TMEM87A: variants seen among roughly 807,000 people sequenced by gnomAD.
TMEM87A encodes the protein Golgi-pH regulating cation channel.
A neutral mutation model predicts 90.0 loss-of-function variants in TMEM87A; 50 were observed. That is an observed-to-expected ratio of 0.56 (90% CI 0.44 to 0.70). The LOEUF (loss-of-function observed/expected upper bound fraction) is 0.70, where lower values mean the gene tolerates loss of function less well. Ranked by LOEUF, TMEM87A falls within the 30% of genes least tolerant of loss-of-function variation. TMEM87A has a pLI of 0.00. For synonymous variants in TMEM87A, 226 were observed against 226.7 expected, an observed-to-expected ratio of 1.00 and a Z score of 0.03; for missense variants, 577 against 660.5, an observed-to-expected ratio of 0.87 and a Z score of 1.39.
intron 19 of TMEM87A, 95 bp downstream of exon 19, chr15:42,217,708 T>A: frequency 8.0e-7 from 1 of 1,248,030 alleles, no homozygotes; most frequent in Admixed American, 2.0e-5. Flanking sequence ...AGGCCACTAC[T>A]GAGTCAAATA....
intron 4 of TMEM87A, among the ~76,000 whole-genome samples, chr15:42,263,603 C>G (rs941972227): frequency 2.6e-5 from 4 of 152,074 alleles, no homozygotes; most frequent in African/African-American, 9.7e-5. Context: ...AAAAAATTAG[C>G]CAGGCGTAAT....
chr15:42,262,895 A>C (rs2051324487), intron 4 of TMEM87A, among the ~76,000 whole-genome samples: 1 of 152,250 alleles, frequency 6.6e-6, no homozygotes, highest in South Asian at 2.1e-4. Flanking sequence ...CAAAAAACTG[A>C]GATTACTATT....
intron 3 of TMEM87A, among the ~76,000 whole-genome samples, chr15:42,265,944 G>A (rs547927192): frequency 7.2e-5 from 11 of 152,236 alleles, no homozygotes; most frequent in Non-Finnish European, 1.3e-4. Context: ...GCACGCTACC[G>A]CAACACTATC....
Position 42,264,083 on chromosome 15 carries a change from A to G in TMEM87A, c.405+7T>C. On this transcript the variant is annotated splice_region_variant and intron_variant, in intron 4 of 19. Transcript: ENST00000389834. ...TCTATTTATCTCCAATCACTTTCAA[A>G]GATTACCTGTGTTTTAAAGAGTTCA... 1 of 1,606,222 alleles carries G rather than the reference A, an allele frequency of 6.2e-7. No individual in the cohort carries two copies. Among genetic ancestry groups the G allele is most frequent in the South Asian group, 1.1e-5 (1 of 90,052 alleles).
At chr15:42,242,110 A>G (rs1213208949) in intron 7 of TMEM87A, among the ~76,000 whole-genome samples, 1 of 151,872 alleles carries the variant, frequency 6.6e-6, no homozygotes. Flanking sequence ...AAAACAAAAA[A>G]GGATATAAGC....
rs147068610 is a variant in TMEM87A, at chr15:42,266,254, G to A, written c.291+1693C>T. ...TTCATGGCTGGGCACAATGGCTCAC[G>A]CCTGTAATCCCAGCACTTTGGGAGA... On this transcript the variant is annotated intron_variant, in intron 3 of 19. Coordinates refer to ENST00000389834, the MANE Select transcript of TMEM87A (RefSeq NM_015497.5). Among the ~76,000 whole-genome samples the A allele has an allele frequency of 3.3e-3, 508 of 152,292 alleles. 2 individuals are homozygous for A. The highest frequency in any genetic ancestry group is 0.012 in the African/African-American group (486 of 41,556).
At chr15:42,212,000 T>G (rs2050297058) in intron 19 of TMEM87A, among the ~76,000 whole-genome samples, 1 of 147,744 alleles carries the variant, frequency 6.8e-6, no homozygotes, top group Non-Finnish European at 1.5e-5. Context: ...ATGTATAGAG[T>G]CAGCTAAGAT....
chr15:42,237,685 C>A, intron 8 of TMEM87A, 70 bp from the exon 9 acceptor site: 89 of 1,057,670 alleles, frequency 8.4e-5, no homozygotes, highest in Non-Finnish European at 9.9e-5. Flanking sequence ...GATTTAGAAT[C>A]AATATATACT....
intron 6 of TMEM87A, chr15:42,258,490 G>T: frequency 2.4e-6 from 1 of 422,342 alleles, no homozygotes; most frequent in Non-Finnish European, 3.2e-6. Context: ...GCAGTAGCGT[G>T]ATCTCAGCTC....
chr15:42,220,152 G>A lies in TMEM87A; in HGVS notation c.1404-17C>T. The A allele has an allele frequency of 6.4e-7, 1 of 1,572,896 alleles. No homozygotes were observed. Among genetic ancestry groups the A allele is most frequent in the Non-Finnish European group, 8.6e-7 (1 of 1,167,288 alleles). ...AAGGCAAACCTAACAGAACCAAAGT[G>A]AACAGAAGGAAAAAATTAGAAAACT... On this transcript the variant is annotated splice_polypyrimidine_tract_variant and intron_variant, in intron 15 of 19. Coordinates refer to ENST00000389834, the MANE Select transcript of TMEM87A (RefSeq NM_015497.5).
At chr15:42,259,081 G>GAACA (rs2051237507) in intron 6 of TMEM87A, 2 of 677,556 alleles carry the variant, frequency 3.0e-6, no homozygotes, top group Admixed American at 5.2e-5. Flanking sequence ...CCCTGAAACT[G>GAACA]TTAACAGCTG....
chr15:42,220,731 C>T (rs613090), intron 15 of TMEM87A, among the ~76,000 whole-genome samples: 142,823 of 152,312 alleles, frequency 0.94, 67,427 homozygotes, highest in Non-Finnish European at 1. Context: ...TTCAGCAAAG[C>T]AGCTCCCAGA....
chr15:42,221,111 G>A (rs1367523748), intron 15 of TMEM87A, among the ~76,000 whole-genome samples: 1 of 152,162 alleles, frequency 6.6e-6, no homozygotes, highest in Non-Finnish European at 1.5e-5. Context: ...GATTAAAGGT[G>A]TGAGCCACCG....
At chr15:42,219,559 C>A (rs747061814) in intron 17 of TMEM87A, 22 bp downstream of exon 17, 1 of 1,574,406 alleles carries the variant, frequency 6.4e-7, no homozygotes, top group Non-Finnish European at 8.7e-7. Flanking sequence ...AGAACAAAGA[C>A]AAATGGAAAA....
At chr15:42,218,229 G>T (rs981905829) in intron 18 of TMEM87A, 94 bp downstream of exon 18, 1 of 1,202,260 alleles carries the variant, frequency 8.3e-7, no homozygotes, top group South Asian at 1.4e-5. Context: ...TCAGTATCTT[G>T]TATTTTCATG....
intron 11 of TMEM87A, among the ~76,000 whole-genome samples, chr15:42,232,354 A>C (rs2050699387): frequency 6.6e-6 from 1 of 152,198 alleles, no homozygotes. Flanking sequence ...CCAGGACTAC[A>C]GGCACCCACC....
chr15:42,220,831 G>T (rs1041239208), intron 15 of TMEM87A, among the ~76,000 whole-genome samples: 1 of 151,642 alleles, frequency 6.6e-6, no homozygotes, highest in African/African-American at 2.4e-5. Context: ...TCGCTCTGTC[G>T]CCCAGGCTGG....
intron 11 of TMEM87A, 65 bp from the exon 12 acceptor site, chr15:42,231,325 C>T: frequency 7.5e-7 from 1 of 1,331,458 alleles, no homozygotes; most frequent in Non-Finnish European, 1.0e-6. Context: ...AAGAAACCAC[C>T]ACATGATTCT....
intron 6 of TMEM87A, among the ~76,000 whole-genome samples, chr15:42,254,461 T>A (rs940927036): frequency 5.3e-5 from 8 of 152,216 alleles, no homozygotes; most frequent in African/African-American, 1.9e-4. Flanking sequence ...AATCAAGATG[T>A]CCTTCAATAG....
Sources: allele counts gnomAD v4.1 joint callset (sites outside exome capture counted in the v4.1 genomes callset), GRCh38; gene constraint gnomAD v4.1.1; transcripts MANE v1.5; gene names NCBI Gene and HGNC (gene_info 2026-07-23, HGNC 2026-07-21).